ANKS1B: variants seen among roughly 807,000 people sequenced by gnomAD.
ANKS1B encodes ankyrin repeat and sterile alpha motif domain-containing protein 1B.
A neutral mutation model predicts 148.3 loss-of-function variants in ANKS1B; 36 were observed. The observed-to-expected ratio is 0.24, with a 90% CI of 0.19 to 0.32. The LOEUF (loss-of-function observed/expected upper bound fraction) is 0.32. Ranked by LOEUF, ANKS1B falls within the 10% of genes least tolerant of loss-of-function variation. ANKS1B has a pLI of 1.00. For synonymous variants in ANKS1B, 542 were observed against 560.8 expected (o/e 0.97, Z 0.47); for missense variants, 1,157 against 1,542.6 (o/e 0.75, Z 4.19).
At chr12:98,763,370 C>G (rs1385743593) in intron 25 of ANKS1B, among the ~76,000 whole-genome samples, 1 of 152,190 alleles carries the variant, frequency 6.6e-6, no homozygotes, top group Non-Finnish European at 1.5e-5. Flanking sequence ...AGTGCCCAAT[C>G]ATAGCCTTCA....
Position 98,919,403 on chromosome 12 carries a change from A to T in ANKS1B, c.2779-87267T>A, listed in dbSNP as rs1596918873. Among the ~76,000 whole-genome samples, 3 of 152,314 alleles carry T rather than the reference A, an allele frequency of 2.0e-5. No individual in the cohort carries two copies. The East Asian group carries it at 5.8e-4, about 29-fold the overall frequency. The stretch of plus-strand genomic sequence containing the variant: ...GACCCATTTAAATACATAATGAGGG[A>T]GAACATATGATCAAGGGCGGAGATG... On this transcript the variant is annotated intron_variant, in intron 17 of 26. Coordinates refer to ENST00000683438, the MANE Select transcript of ANKS1B (RefSeq NM_001352186.2).
chr12:99,097,636 A>G (rs748895489), intron 15 of ANKS1B, among the ~76,000 whole-genome samples: 10 of 152,236 alleles, frequency 6.6e-5, no homozygotes, highest in Non-Finnish European at 1.2e-4. Context: ...AATCAGAAGT[A>G]TACTTCAAAT....
intron 9 of ANKS1B, among the ~76,000 whole-genome samples, chr12:99,644,358 C>T (rs2098339097): frequency 6.6e-6 from 1 of 152,194 alleles, no homozygotes; most frequent in South Asian, 2.1e-4. Context: ...TACAAGTTCT[C>T]TCTACCATTT....
intron 14 of ANKS1B, among the ~76,000 whole-genome samples, chr12:99,213,294 A>G (rs2083622364): frequency 6.6e-6 from 1 of 152,200 alleles, no homozygotes; most frequent in Admixed American, 6.5e-5. Context: ...TCATTTCAGC[A>G]GCTTGTTTTT....
intron 17 of ANKS1B, among the ~76,000 whole-genome samples, chr12:98,956,991 C>G (rs2153107657): frequency 6.6e-6 from 1 of 152,314 alleles, no homozygotes; most frequent in East Asian, 1.9e-4. Context: ...GCTCTTTACT[C>G]TATCTCCTTT....
intron 1 of ANKS1B, among the ~76,000 whole-genome samples, chr12:99,928,686 A>G (rs2094536997): frequency 6.6e-6 from 1 of 152,236 alleles, no homozygotes; most frequent in South Asian, 2.1e-4. Context: ...AAGTAGCATA[A>G]TTGTGAATAA....
At position 99,806,717 on chromosome 12, in the gene ANKS1B, T is replaced by C; in HGVS notation, c.373-17A>G. The C allele has an allele frequency of 6.3e-7, 1 of 1,585,624 alleles. No individual in the cohort carries two copies. ...TTCATTGTTCTAAGACAAAGATTTT[T>C]AAAAAGGCACATTTTCAGAAATTCA... On this transcript the variant is annotated splice_polypyrimidine_tract_variant and intron_variant, in intron 3 of 26. Transcript: ENST00000683438.
At chr12:98,937,859 G>T (rs2099820218) in intron 17 of ANKS1B, among the ~76,000 whole-genome samples, 1 of 152,036 alleles carries the variant, frequency 6.6e-6, no homozygotes, top group Admixed American at 6.6e-5. Context: ...ACAGTGGAAG[G>T]TGAAGCAGAA....
At chr12:99,237,259 C>T (rs1440207894) in intron 14 of ANKS1B, among the ~76,000 whole-genome samples, 3 of 152,012 alleles carry the variant, frequency 2.0e-5, no homozygotes, top group African/African-American at 7.2e-5. Flanking sequence ...TTCAACTGTG[C>T]CTGCCTTACA....
At chr12:99,195,522 A>G (rs2081285243) in intron 14 of ANKS1B, among the ~76,000 whole-genome samples, 1 of 152,174 alleles carries the variant, frequency 6.6e-6, no homozygotes, top group Non-Finnish European at 1.5e-5. Context: ...CTTAAGAAAG[A>G]ACTTCACAAG....
intron 8 of ANKS1B, among the ~76,000 whole-genome samples, chr12:99,693,231 A>G (rs1178325985): frequency 1.3e-5 from 2 of 152,260 alleles, no homozygotes; most frequent in Non-Finnish European, 2.9e-5. Context: ...GGAAAAAAAT[A>G]AAATACATTA....
At chr12:99,295,507 C>T (rs189897520) in intron 12 of ANKS1B, among the ~76,000 whole-genome samples, 1 of 152,320 alleles carries the variant, frequency 6.6e-6, no homozygotes, top group African/African-American at 2.4e-5. Context: ...GGTTTGTCAT[C>T]ACTGTCTTTG....
intron 14 of ANKS1B, among the ~76,000 whole-genome samples, chr12:99,161,339 G>T (rs1468821213): frequency 6.6e-6 from 1 of 152,016 alleles, no homozygotes; most frequent in African/African-American, 2.4e-5. Flanking sequence ...GACCAGCTTG[G>T]GCAACATAGC....
In ANKS1B at chr12:98,744,795, A is replaced by G; in HGVS notation, c.*944T>C. ...GAAATCTTGACAGCAGGAGCACTAG[A>G]TTTTTTTTTTTTTAACATGTTCTTT... On this transcript the variant is annotated 3_prime_UTR_variant, in exon 27 of 27. Coordinates refer to ENST00000683438, the MANE Select transcript of ANKS1B (RefSeq NM_001352186.2). 1.2e-6 allele frequency: 1 copy of G among 827,992 alleles called. No homozygotes were observed. Among genetic ancestry groups the G allele is most frequent in the Non-Finnish European group, 1.4e-6 (1 of 691,022 alleles). 51.3% of individuals were successfully genotyped at this position (827,992 alleles called of 1,614,324 possible). A position where few individuals can be genotyped will look rare whatever the true frequency, so the allele number is the denominator to read the frequency against.
intron 8 of ANKS1B, among the ~76,000 whole-genome samples, chr12:99,682,551 G>A (rs546438460): frequency 7.2e-5 from 11 of 152,038 alleles, no homozygotes; most frequent in South Asian, 2.1e-4. Context: ...AAAATTCTTC[G>A]AACTGAACAA....
intron 14 of ANKS1B, among the ~76,000 whole-genome samples, chr12:99,194,779 G>A (rs1464102195): frequency 6.6e-6 from 1 of 152,018 alleles, no homozygotes; most frequent in Non-Finnish European, 1.5e-5. Context: ...ATTTTTACAT[G>A]CAATATATTA....
rs1375035806 is a variant in ANKS1B at position 99,246,728 on chromosome 12, T to C, written c.1893A>G (p.Gln631=). The C allele has an allele frequency of 1.2e-6, 2 of 1,613,968 alleles. No homozygotes were observed. The highest frequency in any genetic ancestry group is 1.7e-6 in the Non-Finnish European group (2 of 1,179,866). Residue 631 remains glutamine (Q), a synonymous_variant, in exon 13 of 27, where the codon CAA becomes CAG. Transcript: ENST00000683438. The part of the protein sequence containing the change: ...NPFHLYGKRE[Q]CEKGQDEVSL... ...TGACTTCATCTTGTCCTTTTTCACATTGTTCTCTTTTCCCATAGAGATGAA... is the reference window on the plus strand; with the variant it reads ...TGACTTCATCTTGTCCTTTTTCACACTGTTCTCTTTTCCCATAGAGATGAA...
At chr12:99,687,920 T>C (rs1009280097) in intron 8 of ANKS1B, among the ~76,000 whole-genome samples, 1 of 152,238 alleles carries the variant, frequency 6.6e-6, no homozygotes, top group Non-Finnish European at 1.5e-5. Context: ...GTGCCAGATT[T>C]TGTTATATTC....
chr12:99,178,156 T>C (rs889233370), intron 14 of ANKS1B, among the ~76,000 whole-genome samples: 2 of 152,252 alleles, frequency 1.3e-5, no homozygotes, highest in Non-Finnish European at 2.9e-5. Flanking sequence ...CATACTCTTC[T>C]GTAAGATGCT....
Sources: gnomAD v4.1 joint callset for allele counts (sites outside exome capture counted in the v4.1 genomes callset) on GRCh38, gnomAD v4.1.1 for gene constraint, MANE v1.5 for transcripts, NCBI Gene and HGNC (gene_info 2026-07-23, HGNC 2026-07-21) for gene names.